The following SYNE2 variants were observed in gnomAD, a reference collection of about 807,000 sequenced individuals.
SYNE2 encodes nesprin-2.
SYNE2 carries 431 observed loss-of-function variants against 856.3 expected under a neutral mutation model. The ratio of observed to expected loss-of-function variants is 0.50; its 90% CI spans 0.47 to 0.55. SYNE2 has a LOEUF of 0.55. Ranked by LOEUF, SYNE2 falls within the 20% of genes least tolerant of loss-of-function variation. SYNE2 has a pLI of 0.00. For missense variants in SYNE2, 8,129 were observed against 8,023.2 expected (o/e 1.01, Z -0.50); for synonymous variants, 2,923 against 2,872.3 (o/e 1.02, Z -0.56).
chr14:64,035,100 A>G (rs2097076228), intron 45 of SYNE2, among the ~76,000 whole-genome samples: 1 of 151,804 alleles, frequency 6.6e-6, no homozygotes, highest in African/African-American at 2.4e-5. Context: ...CATTGACGTA[A>G]TTGTTAGCAT....
At chr14:63,769,354 T>G (rs1222869535) in intron 1 of SYNE2, among the ~76,000 whole-genome samples, 1 of 151,834 alleles carries the variant, frequency 6.6e-6, no homozygotes, top group Non-Finnish European at 1.5e-5. Flanking sequence ...GCAGGCAAAT[T>G]GCTTGAGCTC....
chr14:64,009,468 G>A (rs1363760106), intron 31 of SYNE2, among the ~76,000 whole-genome samples: 2 of 150,436 alleles, frequency 1.3e-5, no homozygotes, highest in Non-Finnish European at 3.0e-5. Flanking sequence ...TCCAGGAGGC[G>A]GACGTTGCAG....
intron 84 of SYNE2, among the ~76,000 whole-genome samples, chr14:64,149,727 C>T (rs2098222590): frequency 2.0e-5 from 3 of 152,176 alleles, no homozygotes; most frequent in Non-Finnish European, 4.4e-5. Context: ...AAAAATAGGA[C>T]TTGCAAATTC....
chr14:64,044,348 A>G (rs2097170405), intron 45 of SYNE2, among the ~76,000 whole-genome samples: 1 of 152,170 alleles, frequency 6.6e-6, no homozygotes, highest in Admixed American at 6.5e-5. Context: ...AATTTATCCA[A>G]TACCTGTACC....
chr14:63,874,923 G>A (rs2094680241), intron 1 of SYNE2, among the ~76,000 whole-genome samples: 1 of 152,244 alleles, frequency 6.6e-6, no homozygotes, highest in East Asian at 1.9e-4. Flanking sequence ...AAGACATTTT[G>A]TTGTTGGTAC....
chr14:64,015,459 T>G (rs1179264224), intron 32 of SYNE2, among the ~76,000 whole-genome samples: 1 of 152,138 alleles, frequency 6.6e-6, no homozygotes, highest in Non-Finnish European at 1.5e-5. Context: ...CCTCTAAGTT[T>G]TCAAATTTGT....
At chr14:63,848,187 C>G (rs1340070267), upstream of SYNE2, 1 of 152,144 alleles carries the variant, frequency 6.6e-6, no homozygotes, top group Admixed American at 6.6e-5. Flanking sequence ...TCGTCTGGCC[C>G]TTTCTGTATT....
chr14:63,891,959 C>A (rs2095142672), intron 1 of SYNE2, among the ~76,000 whole-genome samples: 1 of 152,088 alleles, frequency 6.6e-6, no homozygotes, highest in African/African-American at 2.4e-5. Context: ...CCTGCAGCTG[C>A]CACGAAAATT....
chr14:63,990,084 C>G lies in SYNE2; in HGVS notation c.2314-327C>G, dbSNP rs138154200. Among the ~76,000 whole-genome samples, 556 of 152,264 alleles carry G rather than the reference C, an allele frequency of 3.7e-3. 3 individuals carry two copies. Among genetic ancestry groups the G allele is most frequent in the South Asian group, 0.026 (126 of 4,824 alleles). ...TCCCCAGTAACATTTATTGAATTCT[C>G]CTCTCCACTACTTTGACATAGAACA... On this transcript the variant is annotated intron_variant, in intron 19 of 115. Transcript: ENST00000555002.
chr14:63,773,381 G>A (rs1303784242), intron 1 of SYNE2, among the ~76,000 whole-genome samples: 1 of 151,250 alleles, frequency 6.6e-6, no homozygotes, highest in South Asian at 2.1e-4. Flanking sequence ...TGTATATTTT[G>A]TAGAGACAGG....
At chr14:64,100,935 T>G (rs963183299) in intron 63 of SYNE2, among the ~76,000 whole-genome samples, 11 of 152,078 alleles carry the variant, frequency 7.2e-5, no homozygotes, top group African/African-American at 2.7e-4. Context: ...TTATTTCACT[T>G]AACAGAAGAT....
chr14:64,223,360 A>G lies in SYNE2; in HGVS notation c.20362A>G (p.Met6788Val), dbSNP rs762082013. 11 of 1,613,884 alleles carry G rather than the reference A, an allele frequency of 6.8e-6. No individual in the cohort carries two copies. The highest frequency in any genetic ancestry group is 5.0e-5 in the Admixed American group (3 of 60,002). Residue 6788 changes from methionine (M) to valine (V), a missense_variant, in exon 113 of 116, where the codon ATG becomes GTG. By Grantham distance (21) the Met-to-Val change is conservative. Around this residue, in one of 3 missense-constraint regions of SYNE2, gnomAD observed 5,410 missense variants for 5,284.8 expected, o/e 1.02. Coordinates refer to ENST00000555002, the MANE Select transcript of SYNE2 (RefSeq NM_182914.3). The stretch of plus-strand genomic sequence containing the variant: ...ACGGGAGCAAGTGTCCCAAGATTTA[A>G]TGGCCTTGCAGGGAACCCAGGTGAG... ...QLREQVSQDL[M>V]ALQGTQNPAS...
chr14:64,045,923 ATTG>A (rs1424295069), intron 45 of SYNE2, among the ~76,000 whole-genome samples: 2 of 152,302 alleles, frequency 1.3e-5, no homozygotes, highest in East Asian at 3.9e-4. Context: ...AGTTTCCCCT[ATTG>A]TTAACATCTT....
chr14:64,039,031 C>G (rs1033878036), intron 45 of SYNE2, among the ~76,000 whole-genome samples: 2 of 152,068 alleles, frequency 1.3e-5, no homozygotes, highest in East Asian at 1.9e-4. Flanking sequence ...CTGTGCCTTA[C>G]GAGTCACATT....
Position 64,168,987 on chromosome 14 carries a change from C to G in SYNE2, c.17000+16C>G. ...TAGAGAACAGGTGAGCTGTCTGGGCCTCATGAAGGTTGTGGGCGGATGGAA... is the reference window on the plus strand; with the variant it reads ...TAGAGAACAGGTGAGCTGTCTGGGCGTCATGAAGGTTGTGGGCGGATGGAA... On this transcript the variant is annotated intron_variant, in intron 93 of 115. Transcript: ENST00000555002. 6.3e-7 allele frequency: 1 copy of G among 1,598,718 alleles called. No individual in the cohort carries two copies.
chr14:64,080,216 TC>T (rs1246304317), intron 55 of SYNE2, among the ~76,000 whole-genome samples: 1 of 152,152 alleles, frequency 6.6e-6, no homozygotes, highest in Non-Finnish European at 1.5e-5. Context: ...TCCAGGTCTT[TC>T]TGTTCCCCTA....
intron 82 of SYNE2, among the ~76,000 whole-genome samples, chr14:64,142,617 A>G (rs1181143531): frequency 3.3e-5 from 5 of 152,168 alleles, no homozygotes; most frequent in African/African-American, 1.2e-4. Context: ...AGCTCCTATC[A>G]TGCATTATTA....
chr14:64,144,137 C>T (rs570352346), intron 83 of SYNE2, among the ~76,000 whole-genome samples, 189 bp downstream of exon 83: 5 of 152,106 alleles, frequency 3.3e-5, no homozygotes, highest in Non-Finnish European at 7.4e-5. Context: ...AAAAATAGTT[C>T]TTATATTTGA....
Position 64,052,567 on chromosome 14 carries a change from A to G in SYNE2, c.8654A>G (p.Gln2885Arg). ...VTLEASQKELQEIDSGISTHL... is the reference protein window; with the variant it reads ...VTLEASQKELREIDSGISTHL... ...TTGGAGGCATCTCAGAAGGAATTGC[A>G]AGAAATTGACAGTGGAATCTCAACA... The change falls in exon 48 of 116, where the codon CAA (glutamine) becomes CGA (arginine). Residue 2885 changes from glutamine to arginine, a missense_variant. This residue lies in a region of SYNE2 where 5,410 missense variants were observed against 5,284.8 expected (regional missense o/e 1.02). Coordinates refer to ENST00000555002, the MANE Select transcript of SYNE2 (RefSeq NM_182914.3). 6.2e-7 allele frequency: 1 copy of G among 1,614,164 alleles called. No homozygotes were observed. Among genetic ancestry groups the G allele is most frequent in the Non-Finnish European group, 8.5e-7 (1 of 1,180,040 alleles).
Sources: allele counts gnomAD v4.1 joint callset (sites outside exome capture counted in the v4.1 genomes callset), GRCh38; gene constraint gnomAD v4.1.1; regional missense constraint gnomAD v4.1.1; transcripts MANE v1.5; gene names NCBI Gene and HGNC (gene_info 2026-07-23, HGNC 2026-07-21).